NUP188: variants seen among roughly 807,000 people sequenced by gnomAD.
The protein encoded by NUP188 is nucleoporin NUP188.
NUP188 carries 97 observed loss-of-function variants against 223.0 expected under a neutral mutation model. That is an observed-to-expected ratio of 0.43 (90% CI 0.37 to 0.51). The LOEUF (loss-of-function observed/expected upper bound fraction) is 0.51. Among genes scored for constraint, NUP188 ranks in the 20% least tolerant of loss-of-function variants. NUP188 has a pLI of 0.00. For synonymous variants in NUP188, 869 were observed against 828.0 expected (o/e 1.05, Z -0.85); for missense variants, 1,947 against 2,175.6 (o/e 0.89, Z 2.09).
intron 8 of NUP188, among the ~76,000 whole-genome samples, chr9:128,967,190 T>C (rs183057613): frequency 1.8e-3 from 277 of 152,168 alleles, no homozygotes; most frequent in African/African-American, 6.5e-3. Flanking sequence ...AAAAACTTTT[T>C]CTAGAGATGG....
rs17452428 is a variant in NUP188, at chr9:128,973,280, T to C, written c.1203+31T>C. 556,948 of 1,528,996 alleles carry C rather than the reference T, an allele frequency of 0.36. 106,392 individuals are homozygous for C. Among genetic ancestry groups the C allele is most frequent in the Admixed American group, 0.42 (24,852 of 59,362 alleles). 94.7% of individuals were successfully genotyped at this position (1,528,996 alleles called of 1,614,324 possible). A position where few individuals can be genotyped will look rare whatever the true frequency, so the allele number is the denominator to read the frequency against. On this transcript the variant is annotated intron_variant, in intron 12 of 43. Coordinates refer to ENST00000372577, the MANE Select transcript of NUP188 (RefSeq NM_015354.3). Reference sequence around the variant, plus strand: ...TGTCTGGCTTTCATGAAGCTGTCTCTACTGCCCAGCTTTGCAATCAAGTCC... The same window carrying C: ...TGTCTGGCTTTCATGAAGCTGTCTCCACTGCCCAGCTTTGCAATCAAGTCC...
chr9:129,003,506 G>A (rs775937740), intron 38 of NUP188, 52 bp downstream of exon 38: 2 of 1,592,494 alleles, frequency 1.3e-6, no homozygotes, highest in Non-Finnish European at 1.7e-6. Context: ...TGGAGACAGG[G>A]AGGCTGTGAG....
chr9:128,968,327 G>A (rs1375571796), intron 8 of NUP188, among the ~76,000 whole-genome samples, 179 bp from the exon 9 acceptor site: 1 of 152,150 alleles, frequency 6.6e-6, no homozygotes, highest in Admixed American at 6.6e-5. Context: ...TGTAGTCTCA[G>A]CTATTTAGGA....
chr9:129,002,460 A>C (rs1177676296), intron 36 of NUP188, among the ~76,000 whole-genome samples: 2 of 152,228 alleles, frequency 1.3e-5, no homozygotes, highest in African/African-American at 4.8e-5. Flanking sequence ...TCAAAAGAGT[A>C]GTCTTCACCT....
At chr9:128,955,439 T>C (rs1405607961) in intron 3 of NUP188, among the ~76,000 whole-genome samples, 1 of 152,222 alleles carries the variant, frequency 6.6e-6, no homozygotes, top group East Asian at 1.9e-4. Flanking sequence ...CCCAAAGTGC[T>C]GGGATTACAG....
At chr9:128,960,540 T>G (rs1841933876) in intron 8 of NUP188, among the ~76,000 whole-genome samples, 1 of 152,176 alleles carries the variant, frequency 6.6e-6, no homozygotes, top group Non-Finnish European at 1.5e-5. Context: ...TCTCAGAAAG[T>G]TTGCAGTCAG....
At chr9:128,949,919 CTTT>C (rs35705253) in intron 2 of NUP188, among the ~76,000 whole-genome samples, 169 of 81,246 alleles carry the variant, frequency 2.1e-3, no homozygotes, top group African/African-American at 9.1e-3. Context: ...GTGACGGCCA[CTTT>C]TTTTTTTTTT....
intron 2 of NUP188, among the ~76,000 whole-genome samples, chr9:128,951,377 G>T (rs1323555453): frequency 2.0e-5 from 3 of 151,466 alleles, no homozygotes; most frequent in Non-Finnish European, 2.9e-5. Flanking sequence ...TACTCAGGAG[G>T]CTGTGGTGGA....
chr9:128,966,260 CTGTGTGTGTGTG>C (rs10616823), intron 8 of NUP188, among the ~76,000 whole-genome samples: 5 of 139,652 alleles, frequency 3.6e-5, no homozygotes, highest in South Asian at 4.7e-4. Context: ...GTCTCTGTGT[CTGTGTGTGTGTG>C]TGTGTGTGTG....
rs139843056 is a variant in NUP188, at chr9:128,974,898, A to G, written c.1203+1649A>G. Reference sequence around the variant, plus strand: ...CTTAACCTCCTGAGTAGCTGGGACTACAGGCGTGTGCCACCATGCTCAGCT... The same window carrying G: ...CTTAACCTCCTGAGTAGCTGGGACTGCAGGCGTGTGCCACCATGCTCAGCT... On this transcript the variant is annotated intron_variant, in intron 12 of 43. Transcript: ENST00000372577. 2.4e-3 allele frequency among the ~76,000 whole-genome samples: 366 copies of G among 151,930 alleles called. 7 individuals carry two copies. The East Asian group carries it at 0.042, about 17-fold the overall frequency.
intron 15 of NUP188, among the ~76,000 whole-genome samples, chr9:128,981,784 T>C (rs1466816775): frequency 6.6e-6 from 1 of 151,866 alleles, no homozygotes; most frequent in Non-Finnish European, 1.5e-5. Flanking sequence ...ATAGAAAGAG[T>C]CACTTGTCGG....
Position 128,999,685 on chromosome 9 carries a change from A to T in NUP188, c.3723A>T (p.Glu1241Asp). The T allele has an allele frequency of 6.2e-7, 1 of 1,614,096 alleles. No homozygotes were observed. Among genetic ancestry groups the T allele is most frequent in the Non-Finnish European group, 8.5e-7 (1 of 1,180,018 alleles). The change falls in exon 34 of 44, where the codon GAA (glutamate) becomes GAT (aspartate). Residue 1241 changes from glutamate to aspartate, a missense_variant. Glu to Asp is a conservative substitution (Grantham distance 45). This residue lies in a region of NUP188 where 905 missense variants were observed against 990.6 expected (regional missense o/e 0.91). Transcript: ENST00000372577. ...ATGTCTGTGAGACCCTCCAAGAGGA[A>T]GTGATTGCACTCTTCGACCAGACCC... Reference protein sequence around the residue: ...VLNVCETLQEEVIALFDQTRH... With the variant: ...VLNVCETLQEDVIALFDQTRH...
rs749709902 is a variant in NUP188, at chr9:128,985,024, G to A, written c.2076+10G>A. 1.3e-6 allele frequency: 2 copies of A among 1,591,204 alleles called. No individual in the cohort carries two copies. The highest frequency in any genetic ancestry group is 1.7e-4 in the Middle Eastern group (1 of 6,002). On this transcript the variant is annotated intron_variant, in intron 20 of 43. Transcript: ENST00000372577. The stretch of plus-strand genomic sequence containing the variant: ...CACCACCCTTGTCAAGGTACAGTCT[G>A]ATTTTGTTCACAAAGGGCAGAAAAA...
chr9:128,970,447 A>G (rs987511183), intron 10 of NUP188, among the ~76,000 whole-genome samples: 9 of 152,256 alleles, frequency 5.9e-5, no homozygotes, highest in African/African-American at 2.2e-4. Flanking sequence ...TTAGGAAGAT[A>G]GAAAATGAAG....
chr9:128,948,293 C>T (rs1306600563), intron 1 of NUP188: 1 of 152,716 alleles, frequency 6.5e-6, no homozygotes, highest in Non-Finnish European at 1.5e-5. Context: ...TCGTTCTTTT[C>T]TTGCACTGAA....
chr9:128,969,763 T>G (rs1367079945), intron 10 of NUP188, among the ~76,000 whole-genome samples: 1 of 152,098 alleles, frequency 6.6e-6, no homozygotes, highest in Non-Finnish European at 1.5e-5. Context: ...AAGTGATTCT[T>G]CTGCCTCAGC....
At chr9:128,982,792 G>C in intron 16 of NUP188, 91 bp downstream of exon 16, 1 of 1,585,996 alleles carries the variant, frequency 6.3e-7, no homozygotes, top group Non-Finnish European at 8.6e-7. Context: ...ATAAAATTTA[G>C]AACCATCAAG....
chr9:129,003,171 A>G (rs1842705783), intron 37 of NUP188, 146 bp from the exon 38 acceptor site: 1 of 1,166,548 alleles, frequency 8.6e-7, no homozygotes, highest in Admixed American at 2.4e-5. Context: ...GTCTCGGGTC[A>G]GAATCCTGGT....
rs61518157 is a variant in NUP188, at chr9:128,964,536, A to ATT, written c.586-3954_586-3953dup. ...ACCACCATACCTGGCTAATTTTTGT[A>ATT]TTTTTTTTTTTTTTTTTGTAGAGAT... On this transcript the variant is annotated intron_variant, in intron 8 of 43. Transcript: ENST00000372577. Among the ~76,000 whole-genome samples the ATT allele has an allele frequency of 2.5e-3, 312 of 122,868 alleles. 7 individuals are homozygous for ATT. The East Asian group carries it at 0.039, about 15-fold the overall frequency. 80.6% of individuals were successfully genotyped at this position (122,868 alleles called of 152,430 possible). A position where few individuals can be genotyped will look rare whatever the true frequency, so the allele number is the denominator to read the frequency against.
Sources: gnomAD v4.1 joint callset for allele counts (sites outside exome capture counted in the v4.1 genomes callset) on GRCh38, gnomAD v4.1.1 for gene constraint, gnomAD v4.1.1 regional missense constraint, MANE v1.5 for transcripts, NCBI Gene and HGNC (gene_info 2026-07-23, HGNC 2026-07-21) for gene names.